NGLY1: variants seen among roughly 807,000 people sequenced by gnomAD.
NGLY1 encodes the protein N-glycanase 1, also known as peptide-N(4)-(N-acetyl-beta-glucosaminyl)asparagine amidase.
NGLY1 carries 68 observed loss-of-function variants against 84.6 expected under a neutral mutation model. The ratio of observed to expected loss-of-function variants is 0.80; its 90% CI spans 0.66 to 0.98. NGLY1 has a LOEUF of 0.98. Ranked by LOEUF, NGLY1 falls within the 50% of genes least tolerant of loss-of-function variation. The pLI, the probability that NGLY1 is intolerant of heterozygous loss-of-function variation, is 0.00. For missense variants in NGLY1, 779 were observed against 770.2 expected (o/e 1.01, Z -0.14); for synonymous variants, 280 against 275.2 (o/e 1.02, Z -0.17).
At chr3:25,758,543 G>A (rs1350045533) in intron 3 of NGLY1, among the ~76,000 whole-genome samples, 4 of 152,074 alleles carry the variant, frequency 2.6e-5, no homozygotes, top group African/African-American at 7.2e-5. Flanking sequence ...ATGCCACTGC[G>A]TTCCAGCCTG....
chr3:25,719,642 G>C lies in NGLY1; in HGVS notation c.1790-7C>G, dbSNP rs778776817. The C allele has an allele frequency of 6.6e-5, 105 of 1,588,202 alleles. No homozygotes were observed. The highest frequency in any genetic ancestry group is 8.4e-5 in the Non-Finnish European group (98 of 1,168,514). ...TAGGAGTGAAGACTGTTATCTGTTAGAGGGAAAAAAAAAATTAACATTTTG... is the reference window on the plus strand; with the variant it reads ...TAGGAGTGAAGACTGTTATCTGTTACAGGGAAAAAAAAAATTAACATTTTG... On this transcript the variant is annotated splice_polypyrimidine_tract_variant and splice_region_variant and intron_variant, in intron 11 of 11. Transcript: ENST00000280700.
intron 4 of NGLY1, among the ~76,000 whole-genome samples, chr3:25,742,874 C>A (rs1310585239): frequency 9.0e-6 from 1 of 111,048 alleles, no homozygotes; most frequent in Non-Finnish European, 1.7e-5. Flanking sequence ...AATGTAGTTA[C>A]CTTATGTGGC....
chr3:25,770,922 A>G (rs189783244), intron 2 of NGLY1, among the ~76,000 whole-genome samples: 155 of 151,770 alleles, frequency 1.0e-3, no homozygotes, highest in African/African-American at 3.4e-3. Context: ...GATTTGTTTG[A>G]GTTCCTTCTA....
chr3:25,733,609 A>T (rs1014806143), intron 8 of NGLY1, among the ~76,000 whole-genome samples: 4 of 152,028 alleles, frequency 2.6e-5, no homozygotes, highest in African/African-American at 9.7e-5. Context: ...GTCAGGTACT[A>T]CCAATACTGA....
chr3:25,749,436 TCTC>T (rs1706610628), intron 4 of NGLY1: 7 of 1,021,552 alleles, frequency 6.9e-6, no homozygotes, highest in Non-Finnish European at 1.1e-5. Flanking sequence ...AAGGAAGCTC[TCTC>T]CTCCTCAGCA....
At chr3:25,780,780 G>A (rs557702435) in intron 1 of NGLY1, among the ~76,000 whole-genome samples, 1 of 151,774 alleles carries the variant, frequency 6.6e-6, no homozygotes, top group African/African-American at 2.4e-5. Flanking sequence ...CACCACGCCT[G>A]GCTATTTTTT....
chr3:25,747,804 G>A (rs571343313), intron 4 of NGLY1, among the ~76,000 whole-genome samples: 2 of 152,282 alleles, frequency 1.3e-5, no homozygotes, highest in South Asian at 4.1e-4. Flanking sequence ...AGTCACTAGA[G>A]CCATAAACTG....
At chr3:25,764,386 A>C in intron 2 of NGLY1, 75 bp from the exon 3 acceptor site, 1 of 1,428,304 alleles carries the variant, frequency 7.0e-7, no homozygotes, top group Non-Finnish European at 9.5e-7. Flanking sequence ...CACACACAGA[A>C]ATGTATAATG....
chr3:25,730,473 C>T (rs1232025205), intron 9 of NGLY1: 1 of 152,060 alleles, frequency 6.6e-6, no homozygotes, highest in African/African-American at 2.4e-5. Context: ...ACTTCCATGC[C>T]ATGCAAGAGA....
chr3:25,738,975 T>C (rs1194509137), intron 5 of NGLY1, among the ~76,000 whole-genome samples: 1 of 152,152 alleles, frequency 6.6e-6, no homozygotes, highest in Non-Finnish European at 1.5e-5. Context: ...AATTTAGAGA[T>C]ATGAGGAGTA....
chr3:25,784,533 C>T, upstream of NGLY1, among the ~76,000 whole-genome samples: 1 of 152,156 alleles, frequency 6.6e-6, no homozygotes, highest in Admixed American at 6.5e-5. Flanking sequence ...TGTACTTTAC[C>T]AGTGGCTTCC....
intron 10 of NGLY1, among the ~76,000 whole-genome samples, chr3:25,726,904 T>G (rs1705292622): frequency 6.6e-6 from 1 of 152,228 alleles, no homozygotes; most frequent in South Asian, 2.1e-4. Context: ...ACAATGTTAT[T>G]TGCTAAATAG....
rs587776982 is a variant in NGLY1 at position 25,719,533 on chromosome 3, TG to T, written c.1891del (p.Gln631SerfsTer7). On this transcript the variant is annotated frameshift_variant, in exon 12 of 12. Coordinates refer to ENST00000280700, the MANE Select transcript of NGLY1 (RefSeq NM_018297.4). LOFTEE classifies it high-confidence loss of function. ...GTCATTTAAGCTTTGTCTAAACAGCTGGGTGTGTTGCCAAGCGACATCACCA... is the reference window on the plus strand; with the variant it reads ...GTCATTTAAGCTTTGTCTAAACAGCTGGTGTGTTGCCAAGCGACATCACCA... The part of the protein sequence containing the change: ...GDGDVAWQHT[Q>X]LFRQSLNDHE... 1.4e-5 allele frequency: 22 copies of T among 1,613,988 alleles called. No homozygotes were observed. In the Admixed American group the frequency reaches 2.2e-4, roughly 16 times the overall value.
intron 7 of NGLY1, 68 bp from the exon 8 acceptor site, chr3:25,734,050 C>T: frequency 6.4e-7 from 1 of 1,573,602 alleles, no homozygotes; most frequent in Non-Finnish European, 8.6e-7. Flanking sequence ...TACTAAATAC[C>T]TAGAATGTAT....
intron 2 of NGLY1, among the ~76,000 whole-genome samples, chr3:25,768,318 C>T (rs1195887460): frequency 4.0e-5 from 6 of 150,890 alleles, no homozygotes; most frequent in Non-Finnish European, 7.4e-5. Flanking sequence ...CCCAGTTACT[C>T]GGAAGACTGA....
intron 2 of NGLY1, among the ~76,000 whole-genome samples, chr3:25,765,473 A>G (rs1707517925): frequency 6.6e-6 from 1 of 151,344 alleles, no homozygotes; most frequent in Admixed American, 6.6e-5. Flanking sequence ...AAAAAAAAAA[A>G]GTTGCAACAG....
intron 2 of NGLY1, among the ~76,000 whole-genome samples, chr3:25,775,439 C>T (rs182763658): frequency 1.2e-4 from 19 of 152,100 alleles, no homozygotes; most frequent in Non-Finnish European, 2.1e-4. Flanking sequence ...CTATACACAA[C>T]GGAATATTAT....
At chr3:25,748,756 T>G (rs2125506450) in intron 4 of NGLY1, among the ~76,000 whole-genome samples, 1 of 152,316 alleles carries the variant, frequency 6.6e-6, no homozygotes, top group African/African-American at 2.4e-5. Flanking sequence ...ATGGATTAAT[T>G]CTGAATATGG....
intron 2 of NGLY1, 43 bp downstream of exon 2, chr3:25,778,531 T>C: frequency 9.1e-7 from 1 of 1,093,514 alleles, no homozygotes; most frequent in Non-Finnish European, 1.3e-6. Flanking sequence ...TAATGGCTGC[T>C]TTGTGCATGA....
Sources: allele counts gnomAD v4.1 joint callset (sites outside exome capture counted in the v4.1 genomes callset), GRCh38; gene constraint gnomAD v4.1.1; transcripts MANE v1.5; gene names NCBI Gene and HGNC (gene_info 2026-07-23, HGNC 2026-07-21).